GRID1: variants seen among roughly 807,000 people sequenced by gnomAD.
GRID1 encodes glutamate ionotropic receptor delta type subunit 1.
GRID1 carries 28 observed loss-of-function variants against 98.0 expected under a neutral mutation model. The observed-to-expected ratio is 0.29, with a 90% CI of 0.21 to 0.39. GRID1 has a LOEUF of 0.39. GRID1 is among the 10% of genes least tolerant of loss of function. The pLI, the probability that GRID1 is intolerant of heterozygous loss-of-function variation, is 1.00. For synonymous variants in GRID1, 553 were observed against 538.5 expected, an observed-to-expected ratio of 1.03 and a Z score of -0.37; for missense variants, 1,111 against 1,340.5, an observed-to-expected ratio of 0.83 and a Z score of 2.67.
chr10:85,871,122 C>T (rs995003675), intron 5 of GRID1, among the ~76,000 whole-genome samples: 31 of 152,204 alleles, frequency 2.0e-4, no homozygotes, highest in Admixed American at 7.2e-4. Flanking sequence ...ACCCATCATA[C>T]GTTGAAAATA....
intron 8 of GRID1, among the ~76,000 whole-genome samples, chr10:85,834,925 C>T (rs1306896939): frequency 6.6e-6 from 1 of 151,968 alleles, no homozygotes; most frequent in Non-Finnish European, 1.5e-5. Flanking sequence ...TTTTAAAAAT[C>T]CAACTAAATG....
At chr10:85,668,822 C>T (rs544694137) in intron 12 of GRID1, among the ~76,000 whole-genome samples, 16 of 152,200 alleles carry the variant, frequency 1.1e-4, no homozygotes, top group South Asian at 6.2e-4. Context: ...TCAGGCTCTA[C>T]GCTGCACATC....
rs974943223 is a variant in GRID1, at chr10:86,250,654, C to T, written c.236-44006G>A. Among the ~76,000 whole-genome samples, 342 of 151,906 alleles carry T rather than the reference C, an allele frequency of 2.3e-3. 4 individuals are homozygous for T. The highest frequency in any genetic ancestry group is 7.9e-3 in the African/African-American group (328 of 41,316). ...CCTGTCTGGGAGGTGGGGGGCAGCC[C>T]CCGCCTGGCCAGCCGCCCAGTCCGG... On this transcript the variant is annotated intron_variant, in intron 2 of 15. Coordinates refer to ENST00000327946, the MANE Select transcript of GRID1 (RefSeq NM_017551.3).
intron 4 of GRID1, among the ~76,000 whole-genome samples, chr10:86,105,301 GT>G (rs1197753442): frequency 2.6e-5 from 4 of 152,176 alleles, no homozygotes; most frequent in Non-Finnish European, 5.9e-5. Context: ...AAGGCCTGGA[GT>G]GTGCCCACCA....
chr10:86,289,453 C>T (rs1847481403), intron 2 of GRID1, among the ~76,000 whole-genome samples: 1 of 152,050 alleles, frequency 6.6e-6, no homozygotes, highest in African/African-American at 2.4e-5. Context: ...TCTGCTACCT[C>T]AGCCTCTTCC....
At chr10:85,844,923 T>C (rs962143260) in intron 8 of GRID1, among the ~76,000 whole-genome samples, 2 of 151,956 alleles carry the variant, frequency 1.3e-5, no homozygotes, top group African/African-American at 4.8e-5. Flanking sequence ...ATTAGTAGAC[T>C]AGGAATTCAA....
chr10:85,643,053 T>C (rs1843142645), intron 13 of GRID1, among the ~76,000 whole-genome samples: 1 of 152,116 alleles, frequency 6.6e-6, no homozygotes, highest in Non-Finnish European at 1.5e-5. Flanking sequence ...ATTGGTTTCA[T>C]GTCATTAAAA....
intron 8 of GRID1, among the ~76,000 whole-genome samples, chr10:85,839,475 AAG>A (rs1842943280): frequency 1.3e-5 from 2 of 152,200 alleles, no homozygotes; most frequent in South Asian, 4.1e-4. Flanking sequence ...AATCAAGACA[AAG>A]AAATTCACTC....
intron 6 of GRID1, among the ~76,000 whole-genome samples, chr10:85,862,602 A>G (rs1843174074): frequency 6.6e-6 from 1 of 152,164 alleles, no homozygotes; most frequent in Admixed American, 6.5e-5. Flanking sequence ...GGGAAGCAGG[A>G]GAGAACTCAG....
At chr10:86,200,684 T>G (rs1845936976) in intron 3 of GRID1, among the ~76,000 whole-genome samples, 2 of 152,168 alleles carry the variant, frequency 1.3e-5, no homozygotes, top group African/African-American at 4.8e-5. Flanking sequence ...GAATTTCTGT[T>G]CACTAAGACA....
At chr10:85,978,894 G>T (rs1842508107) in intron 4 of GRID1, among the ~76,000 whole-genome samples, 1 of 152,144 alleles carries the variant, frequency 6.6e-6, no homozygotes, top group African/African-American at 2.4e-5. Context: ...AGAGACAATG[G>T]TTCCATTTTA....
intron 3 of GRID1, among the ~76,000 whole-genome samples, chr10:86,150,767 A>G (rs2131979968): frequency 6.6e-6 from 1 of 152,336 alleles, no homozygotes; most frequent in African/African-American, 2.4e-5. Context: ...GGTTGGAATT[A>G]GTGGCCTTAT....
intron 8 of GRID1, among the ~76,000 whole-genome samples, chr10:85,765,290 T>C (rs1394462117): frequency 6.6e-6 from 1 of 152,226 alleles, no homozygotes; most frequent in Non-Finnish European, 1.5e-5. Flanking sequence ...GAGGGAGATT[T>C]AGCTGCACGG....
At chr10:85,611,717 C>T (rs1222799540) in intron 15 of GRID1, among the ~76,000 whole-genome samples, 2 of 152,248 alleles carry the variant, frequency 1.3e-5, no homozygotes, top group South Asian at 4.1e-4. Flanking sequence ...TGGGTGGTAA[C>T]AAGCAGGTGA....
At chr10:85,778,682 A>C (rs757615241) in intron 8 of GRID1, among the ~76,000 whole-genome samples, 1 of 152,208 alleles carries the variant, frequency 6.6e-6, no homozygotes, top group Non-Finnish European at 1.5e-5. Context: ...CAGCAGTAAA[A>C]ACAACATAGC....
At chr10:86,194,087 C>G (rs1845841497) in intron 3 of GRID1, among the ~76,000 whole-genome samples, 1 of 152,154 alleles carries the variant, frequency 6.6e-6, no homozygotes, top group Non-Finnish European at 1.5e-5. Flanking sequence ...CAGAACACTT[C>G]TCCTTTCTCT....
chr10:86,087,421 A>ATG (rs1389070448), intron 4 of GRID1, among the ~76,000 whole-genome samples: 1 of 140,376 alleles, frequency 7.1e-6, no homozygotes, highest in Non-Finnish European at 1.5e-5. Context: ...GTGTCTGTGT[A>ATG]TGTGTGTGTA....
At chr10:85,854,444 C>T in intron 8 of GRID1, 52 bp downstream of exon 8, 1 of 1,590,158 alleles carries the variant, frequency 6.3e-7, no homozygotes, top group Non-Finnish European at 8.6e-7. Flanking sequence ...CTGTTGCTGT[C>T]TTTGGTGGCA....
chr10:85,895,010 A>ATATATAT (rs1431281533), intron 5 of GRID1, among the ~76,000 whole-genome samples: 1 of 119,704 alleles, frequency 8.4e-6, no homozygotes, highest in Non-Finnish European at 1.8e-5. Context: ...TCAAAAAAAA[A>ATATATAT]AAAAAAATAT....
Sources: gnomAD v4.1 joint callset for allele counts (sites outside exome capture counted in the v4.1 genomes callset) on GRCh38, gnomAD v4.1.1 for gene constraint, MANE v1.5 for transcripts, NCBI Gene and HGNC (gene_info 2026-07-23, HGNC 2026-07-21) for gene names.